Variants in ATP8B4 observed in about 807,000 individuals in gnomAD.
ATP8B4 encodes the protein ATPase phospholipid transporting 8B4 (putative).
A neutral mutation model predicts 145.6 loss-of-function variants in ATP8B4; 133 were observed. That is an observed-to-expected ratio of 0.91 (90% CI 0.79 to 1.05). The LOEUF (loss-of-function observed/expected upper bound fraction) is 1.05. Among genes scored for constraint, ATP8B4 ranks in the 50% least tolerant of loss-of-function variants. The pLI is 0.00. For missense variants in ATP8B4, 1,458 were observed against 1,425.2 expected (o/e 1.02, Z -0.37); for synonymous variants, 507 against 492.9 (o/e 1.03, Z -0.38).
At chr15:50,138,021 A>G (rs996241162) in intron 1 of ATP8B4, among the ~76,000 whole-genome samples, 19 of 152,204 alleles carry the variant, frequency 1.2e-4, no homozygotes, top group Non-Finnish European at 2.5e-4. Context: ...TCATCTTAGT[A>G]TCGCTCTAGC....
chr15:50,166,638 T>C (rs2044601972), intron 1 of ATP8B4, among the ~76,000 whole-genome samples: 1 of 152,244 alleles, frequency 6.6e-6, no homozygotes, highest in African/African-American at 2.4e-5. Context: ...AATAGTCTAA[T>C]GGCTGGACAG....
chr15:49,967,246 G>C (rs1429981471), intron 13 of ATP8B4, among the ~76,000 whole-genome samples: 1 of 152,158 alleles, frequency 6.6e-6, no homozygotes, highest in African/African-American at 2.4e-5. Flanking sequence ...ACCAGCAAGG[G>C]AACAAAACTG....
chr15:49,923,999 C>T (rs556143257), intron 16 of ATP8B4, among the ~76,000 whole-genome samples: 27 of 151,946 alleles, frequency 1.8e-4, no homozygotes, highest in East Asian at 1.6e-3. Context: ...CCTTTTACTC[C>T]GGAAAAGTCC....
chr15:50,096,109 A>G (rs73400878), intron 2 of ATP8B4, among the ~76,000 whole-genome samples: 3,850 of 152,342 alleles, frequency 0.025, 160 homozygotes, highest in African/African-American at 0.089. Context: ...AAGTGAACAG[A>G]CAGAAAAGTG....
intron 9 of ATP8B4, among the ~76,000 whole-genome samples, chr15:49,993,098 T>A (rs2047161917): frequency 6.6e-6 from 1 of 152,058 alleles, no homozygotes; most frequent in South Asian, 2.1e-4. Context: ...CAAAAGAACC[T>A]TGGTAATATA....
intron 12 of ATP8B4, among the ~76,000 whole-genome samples, chr15:49,973,275 C>T (rs117283585): frequency 0.012 from 1,763 of 152,276 alleles, 23 homozygotes; most frequent in South Asian, 0.04. Flanking sequence ...AACTGCTGTG[C>T]AGTTCACAAT....
intron 13 of ATP8B4, among the ~76,000 whole-genome samples, chr15:49,968,162 T>C (rs1292060782): frequency 6.6e-6 from 1 of 152,182 alleles, no homozygotes; most frequent in Non-Finnish European, 1.5e-5. Context: ...TACCAGCCAC[T>C]GCAAAAACAT....
Position 49,860,266 on chromosome 15 carries a change from C to A in ATP8B4, c.3507G>T (p.Trp1169Cys), listed in dbSNP as rs767557308. 5.6e-6 allele frequency: 9 copies of A among 1,614,056 alleles called. No individual in the cohort carries two copies. The highest frequency in any genetic ancestry group is 3.3e-5 in the Admixed American group (2 of 60,008). Residue 1169 changes from tryptophan (W) to cysteine (C), a missense_variant, in exon 28 of 28, where the codon TGG (tryptophan) becomes TGT (cysteine). By Grantham distance (215) the Trp-to-Cys change is radical (BLOSUM62 -2). Transcript: ENST00000284509. ...TGGTTTTCTTACATAAATTTTCAAT[C>A]CAGCTAGTGCTATTATAATGTGTCT... is the stretch of plus-strand genomic sequence containing the variant. ...LEKTHYNSTS[W>C]IENLCKKTTD...
chr15:50,052,600 A>T (rs1258288838), intron 3 of ATP8B4, among the ~76,000 whole-genome samples: 1 of 152,250 alleles, frequency 6.6e-6, no homozygotes, highest in East Asian at 1.9e-4. Flanking sequence ...CAATGACTTC[A>T]TCTCACATGT....
chr15:50,113,838 CAAAAAAAAAAAAAAAAAA>C (rs67648465), intron 1 of ATP8B4, among the ~76,000 whole-genome samples: 1 of 67,274 alleles, frequency 1.5e-5, no homozygotes, highest in South Asian at 6.6e-4. Context: ...AACTCCATCT[CAAAAAAAAAAAAAAAAAA>C]AAAAAAAAAG....
At chr15:49,998,653 T>C (rs1322355409) in intron 8 of ATP8B4, among the ~76,000 whole-genome samples, 3 of 152,238 alleles carry the variant, frequency 2.0e-5, no homozygotes, top group African/African-American at 7.2e-5. Context: ...CTTTGTCAGA[T>C]GAGTAGGTTG....
At chr15:50,096,945 C>T (rs8039045) in intron 2 of ATP8B4, among the ~76,000 whole-genome samples, 1,757 of 152,226 alleles carry the variant, frequency 0.012, 33 homozygotes, top group African/African-American at 0.04. Context: ...GTATGTCACT[C>T]GCTGGCCAGC....
At chr15:49,941,019 G>A (rs1051217412) in intron 14 of ATP8B4, among the ~76,000 whole-genome samples, 3 of 152,110 alleles carry the variant, frequency 2.0e-5, no homozygotes, top group Non-Finnish European at 4.4e-5. Context: ...TAGAACCCAA[G>A]CCACACCTTT....
At chr15:49,872,776 A>G (rs2033852439) in intron 25 of ATP8B4, among the ~76,000 whole-genome samples, 1 of 152,074 alleles carries the variant, frequency 6.6e-6, no homozygotes, top group South Asian at 2.1e-4. Flanking sequence ...ACTAAATTCA[A>G]TGTGGGATCC....
Position 49,862,285 on chromosome 15 carries a change from C to T in ATP8B4, c.3257G>A (p.Arg1086Lys), listed in dbSNP as rs1300942934. The change falls in exon 27 of 28, where the codon AGA becomes AAA. Residue 1086 changes from arginine (R) to lysine (K), a missense_variant. Transcript: ENST00000284509. ...TGGGTATAAATCCACCTTCAAAAATCTGAATGCCACCACTGGCATAACTGA... is the reference window on the plus strand; with the variant it reads ...TGGGTATAAATCCACCTTCAAAAATTTGAATGCCACCACTGGCATAACTGA... Reference protein sequence around the residue: ...VASVMPVVAFRFLKVDLYPTL... With the variant: ...VASVMPVVAFKFLKVDLYPTL... 1 of 1,613,800 alleles carries T rather than the reference C, an allele frequency of 6.2e-7. No homozygotes were observed. Among genetic ancestry groups the T allele is most frequent in the Admixed American group, 1.7e-5 (1 of 60,024 alleles).
intron 26 of ATP8B4, among the ~76,000 whole-genome samples, chr15:49,862,701 T>G (rs1421344566): frequency 6.6e-6 from 1 of 152,174 alleles, no homozygotes; most frequent in Non-Finnish European, 1.5e-5. Flanking sequence ...ATGATCCTCC[T>G]GCCTCGGCCT....
intron 1 of ATP8B4, among the ~76,000 whole-genome samples, chr15:50,165,979 A>ACACACG (rs1206291735): frequency 6.6e-6 from 1 of 150,988 alleles, no homozygotes; most frequent in African/African-American, 2.4e-5. Context: ...GAACACACAC[A>ACACACG]CACACACACA....
intron 1 of ATP8B4, among the ~76,000 whole-genome samples, chr15:50,111,464 A>T (rs1176145324): frequency 6.6e-6 from 1 of 152,182 alleles, no homozygotes; most frequent in Non-Finnish European, 1.5e-5. Flanking sequence ...CCCCAGAAAG[A>T]TCTGTTTTGG....
At chr15:49,863,443 G>A (rs896242989) in intron 26 of ATP8B4, among the ~76,000 whole-genome samples, 4 of 152,138 alleles carry the variant, frequency 2.6e-5, no homozygotes, top group African/African-American at 9.7e-5. Flanking sequence ...AAGCTCCATG[G>A]GAAGATGCCA....
Sources: gnomAD v4.1 joint callset for allele counts (sites outside exome capture counted in the v4.1 genomes callset) on GRCh38, gnomAD v4.1.1 for gene constraint, MANE v1.5 for transcripts, NCBI Gene and HGNC (gene_info 2026-07-23, HGNC 2026-07-21) for gene names.